The following AP1M2 variants were observed in gnomAD, a reference collection of about 807,000 sequenced individuals.
AP1M2 encodes AP-1 complex subunit mu-2.
In AP1M2, 41 loss-of-function variants were observed where a neutral mutation model predicts 54.6. The ratio of observed to expected loss-of-function variants is 0.75; its 90% CI spans 0.59 to 0.97. The LOEUF (loss-of-function observed/expected upper bound fraction) is 0.97, where lower values mean the gene tolerates loss of function less well. Ranked by LOEUF, AP1M2 falls within the 50% of genes least tolerant of loss-of-function variation. AP1M2 has a pLI of 0.00. For missense variants in AP1M2, 507 were observed against 561.2 expected (o/e 0.90, Z 0.98); for synonymous variants, 219 against 215.9 (o/e 1.01, Z -0.13).
intron 9 of AP1M2, 39 bp downstream of exon 9, chr19:10,577,159 C>G (rs1362099870): frequency 6.4e-7 from 1 of 1,574,302 alleles, no homozygotes; most frequent in African/African-American, 1.4e-5. Context: ...ACTCCAGTCC[C>G]CTCCACCCCC....
chr19:10,579,912 C>G (rs1444970580), intron 6 of AP1M2, 54 bp from the exon 7 acceptor site: 2 of 1,513,406 alleles, frequency 1.3e-6, no homozygotes, highest in South Asian at 1.3e-5. Context: ...GAAAGGATCC[C>G]TATCCCCACC....
At chr19:10,581,237 C>G in intron 6 of AP1M2, 29 bp downstream of exon 6, 1 of 1,592,394 alleles carries the variant, frequency 6.3e-7, no homozygotes, top group Non-Finnish European at 8.6e-7. Context: ...CTGTGCATTT[C>G]TCAGAAGAAA....
At chr19:10,587,077 G>C in intron 1 of AP1M2, 113 bp downstream of exon 1, 1 of 1,197,756 alleles carries the variant, frequency 8.3e-7, no homozygotes, top group Admixed American at 2.3e-5. Context: ...AGGGATTGCA[G>C]GGGGAGGGGG....
intron 3 of AP1M2, among the ~76,000 whole-genome samples, chr19:10,583,334 T>C (rs1214678476): frequency 6.6e-6 from 1 of 151,854 alleles, no homozygotes; most frequent in Non-Finnish European, 1.5e-5. Context: ...TGATGGCGGA[T>C]GCACAGAGAC....
At chr19:10,580,399 C>T (rs531435908) in intron 6 of AP1M2, among the ~76,000 whole-genome samples, 6 of 151,920 alleles carry the variant, frequency 3.9e-5, no homozygotes, top group South Asian at 2.1e-4. Context: ...TGGTGGCTCA[C>T]GCCTGTAATC....
At chr19:10,574,318 C>A in intron 11 of AP1M2, 99 bp downstream of exon 11, 1 of 997,736 alleles carries the variant, frequency 1.0e-6, no homozygotes, top group Non-Finnish European at 1.5e-6. Context: ...TCACACCTGA[C>A]CCTTGTTGGT....
At chr19:10,583,156 A>G (rs1340576109) in intron 3 of AP1M2, among the ~76,000 whole-genome samples, 2 of 151,784 alleles carry the variant, frequency 1.3e-5, no homozygotes, top group African/African-American at 2.4e-5. Context: ...CACAGAGACA[A>G]GAAGTCACTT....
intron 1 of AP1M2, among the ~76,000 whole-genome samples, chr19:10,585,313 AAG>A (rs1326965779): frequency 2.0e-5 from 3 of 147,450 alleles, no homozygotes; most frequent in African/African-American, 4.9e-5. Context: ...GAAAGAAAGA[AAG>A]AAAGAAAGAA....
intron 1 of AP1M2, chr19:10,584,923 A>G (rs920817530): frequency 6.6e-6 from 1 of 150,624 alleles, no homozygotes; most frequent in African/African-American, 2.4e-5. Context: ...AAAAAACAAC[A>G]ACAACAAAAA....
At position 10,572,713 on chromosome 19, in the gene AP1M2, G is replaced by C. The variant is rs950997057; in HGVS notation, c.*353C>G. The C allele has an allele frequency of 4.0e-6, 1 of 249,814 alleles. No homozygotes were observed. Among genetic ancestry groups the C allele is most frequent in the Non-Finnish European group, 7.9e-6 (1 of 126,672 alleles). The allele number at this position is 249,814 out of a possible 1,614,324, so 15.5% of individuals were successfully genotyped here. On this transcript the variant is annotated 3_prime_UTR_variant, in exon 12 of 12. Coordinates refer to ENST00000250244, the MANE Select transcript of AP1M2 (RefSeq NM_005498.5). ...TGACATCCTAAAATTCAGAGGAGGG[G>C]CCAGCGGGACCTCTGGGCTCAGCGG...
intron 7 of AP1M2, among the ~76,000 whole-genome samples, chr19:10,579,360 G>A (rs2144761527): frequency 6.6e-6 from 1 of 152,248 alleles, no homozygotes; most frequent in East Asian, 1.9e-4. Context: ...AGCTTGCAGT[G>A]AGCCGAGATA....
chr19:10,581,362 C>G lies in AP1M2; in HGVS notation c.577G>C (p.Glu193Gln). 1 of 1,613,178 alleles carries G rather than the reference C, an allele frequency of 6.2e-7. No homozygotes were observed. The highest frequency in any genetic ancestry group is 8.5e-7 in the Non-Finnish European group (1 of 1,179,210). ...VNANGSVLLSEIVGTIKLKVF... is the reference protein window; with the variant it reads ...VNANGSVLLSQIVGTIKLKVF... ...TTGAGCTTGATGGTACCGACGATTT[C>G]GCTCAGAAGGACGCTGCCGTTGGCA... is the stretch of plus-strand genomic sequence containing the variant. Residue 193 changes from glutamate (E) to glutamine (Q), a missense_variant, in exon 6 of 12, where the codon GAA (glutamate) becomes CAA (glutamine). Transcript: ENST00000250244.
chr19:10,577,558 T>C (rs1599548666), intron 8 of AP1M2, among the ~76,000 whole-genome samples: 1 of 138,046 alleles, frequency 7.2e-6, no homozygotes, highest in African/African-American at 2.8e-5. Flanking sequence ...CTCAGCCTCC[T>C]GAGCAGCTGG....
intron 9 of AP1M2, 123 bp downstream of exon 9, chr19:10,577,075 G>A: frequency 3.6e-6 from 4 of 1,109,660 alleles, no homozygotes; most frequent in Non-Finnish European, 5.2e-6. Flanking sequence ...TTCCAGTCAT[G>A]AGCCATCACA....
chr19:10,573,782 C>T (rs1358997562), intron 11 of AP1M2, among the ~76,000 whole-genome samples: 3 of 151,244 alleles, frequency 2.0e-5, no homozygotes, highest in Non-Finnish European at 2.9e-5. Context: ...CCACCTCAGC[C>T]TCCTGAGTTG....
rs201611005 is a variant in AP1M2, at chr19:10,581,870, G to A, written c.276C>T (p.Cys92=). 8.7e-4 allele frequency: 1,407 copies of A among 1,611,098 alleles called. 5 individuals carry two copies. Among genetic ancestry groups the A allele is most frequent in the Middle Eastern group, 1.7e-4 (1 of 6,030 alleles). The part of the protein sequence containing the change: ...SFLYKTIEVF[C]EYFKELEEES... ...CCTCCTCCAGCTCCTTGAAGTATTC[G>A]CAGAATACCTGGGGGTTGGAGGAGA... The change falls in exon 4 of 12, where the codon TGC becomes TGT. Residue 92 remains cysteine (C), a synonymous_variant. Transcript: ENST00000250244.
At position 10,572,972 on chromosome 19, in the gene AP1M2, A is replaced by G; in HGVS notation, c.*94T>C. ...TGCCAAGTCCAGGACCTGCCCTCAC[A>G]CAGACACACACAGCCCGCACCTGCC... On this transcript the variant is annotated 3_prime_UTR_variant, in exon 12 of 12. Transcript: ENST00000250244. 7.3e-7 allele frequency: 1 copy of G among 1,368,296 alleles called. No homozygotes were observed. Among genetic ancestry groups the G allele is most frequent in the South Asian group, 1.2e-5 (1 of 80,042 alleles). 84.8% of individuals were successfully genotyped at this position (1,368,296 alleles called of 1,614,324 possible). A position where few individuals can be genotyped will look rare whatever the true frequency, so the allele number is the denominator to read the frequency against.
intron 6 of AP1M2, among the ~76,000 whole-genome samples, chr19:10,580,203 T>G (rs1917393695): frequency 6.6e-6 from 1 of 152,038 alleles, no homozygotes; most frequent in African/African-American, 2.4e-5. Flanking sequence ...AGGAATGTGC[T>G]ACCACCCCCG....
chr19:10,577,016 C>T (rs1917256493), intron 9 of AP1M2, among the ~76,000 whole-genome samples, 182 bp downstream of exon 9: 1 of 152,064 alleles, frequency 6.6e-6, no homozygotes, highest in Non-Finnish European at 1.5e-5. Flanking sequence ...TGGTCTCCAG[C>T]TCCTGGGTTC....
Sources: allele counts gnomAD v4.1 joint callset (sites outside exome capture counted in the v4.1 genomes callset), GRCh38; gene constraint gnomAD v4.1.1; transcripts MANE v1.5; gene names NCBI Gene and HGNC (gene_info 2026-07-23, HGNC 2026-07-21).